Variants in CHSY3 observed in about 807,000 individuals in gnomAD.
CHSY3 encodes the protein chondroitin sulfate synthase 3.
A neutral mutation model predicts 67.2 loss-of-function variants in CHSY3; 35 were observed. The observed-to-expected ratio is 0.52, with a 90% CI of 0.40 to 0.69. The LOEUF (loss-of-function observed/expected upper bound fraction) is 0.69, where lower values mean the gene tolerates loss of function less well. Among genes scored for constraint, CHSY3 ranks in the 30% least tolerant of loss-of-function variants. The probability of loss-of-function intolerance (pLI) is 0.00; values close to 1 mark genes in which losing one functional copy is unlikely to be tolerated. For missense variants in CHSY3, 1,069 were observed against 1,138.5 expected (o/e 0.94, Z 0.88); for synonymous variants, 474 against 434.7 (o/e 1.09, Z -1.12).
rs575328311 is a variant in CHSY3, at chr5:129,945,889, T to TA, written c.1086+37530dup. On this transcript the variant is annotated intron_variant, in intron 2 of 2. Coordinates refer to ENST00000305031, the MANE Select transcript of CHSY3 (RefSeq NM_175856.5). The stretch of plus-strand genomic sequence containing the variant: ...TATAAAAAGTTTTTTAACTGGCTGA[T>TA]ACATTCTTTTTTCTCTTTTTTTTAT... Among the ~76,000 whole-genome samples the TA allele has an allele frequency of 2.8e-4, 42 of 152,320 alleles. 1 individual carries two copies. The South Asian group carries it at 7.2e-3, about 26-fold the overall frequency.
At chr5:129,959,855 T>G (rs1474507600) in intron 2 of CHSY3, among the ~76,000 whole-genome samples, 1 of 152,148 alleles carries the variant, frequency 6.6e-6, no homozygotes. Flanking sequence ...GTATCTTTTT[T>G]TACTTGATAA....
intron 2 of CHSY3, chr5:130,001,388 CT>C: frequency 8.9e-6 from 8 of 900,910 alleles, no homozygotes; most frequent in Non-Finnish European, 1.1e-5. Context: ...TCTTCTTCTC[CT>C]TTTCCTCCAG....
At position 129,956,551 on chromosome 5, in the gene CHSY3, G is replaced by A. The variant is rs549270574; in HGVS notation, c.1086+48191G>A. ...TTTCTTTTGCTGTGCAGAAGCTCTT[G>A]TGTTTAATAATATCCCATTTGTCAA... On this transcript the variant is annotated intron_variant, in intron 2 of 2. Coordinates refer to ENST00000305031, the MANE Select transcript of CHSY3 (RefSeq NM_175856.5). 9.2e-5 allele frequency among the ~76,000 whole-genome samples: 14 copies of A among 152,128 alleles called. No individual in the cohort carries two copies. The East Asian group carries it at 2.5e-3, about 27-fold the overall frequency.
At position 130,111,871 on chromosome 5, in the gene CHSY3, T is replaced by G. The variant is rs114016019; in HGVS notation, c.1087-72358T>G. On this transcript the variant is annotated intron_variant, in intron 2 of 2. Transcript: ENST00000305031. ...ATGCAACTAATTCCACACATTTTAT[T>G]TTAACACACACATACCGGACTTACT... is the stretch of plus-strand genomic sequence containing the variant. Among the ~76,000 whole-genome samples, 465 of 151,958 alleles carry G rather than the reference T, an allele frequency of 3.1e-3. 2 individuals carry two copies. Among genetic ancestry groups the G allele is most frequent in the African/African-American group, 0.011 (443 of 41,532 alleles).
intron 2 of CHSY3, among the ~76,000 whole-genome samples, chr5:130,016,583 T>C (rs1237341011): frequency 1.3e-5 from 2 of 152,124 alleles, no homozygotes; most frequent in African/African-American, 4.8e-5. Flanking sequence ...AATTTTTTTG[T>C]ATTTTTAGTA....
intron 2 of CHSY3, among the ~76,000 whole-genome samples, chr5:129,934,683 C>G (rs903713581): frequency 6.6e-6 from 1 of 152,054 alleles, no homozygotes; most frequent in African/African-American, 2.4e-5. Flanking sequence ...GAGTACTGGT[C>G]CTGGATAGTG....
intron 2 of CHSY3, among the ~76,000 whole-genome samples, chr5:129,948,061 CT>C (rs892384914): frequency 6.6e-6 from 1 of 152,084 alleles, no homozygotes; most frequent in African/African-American, 2.4e-5. Flanking sequence ...TATAGGTTGC[CT>C]TTTAATTTTC....
At chr5:129,972,703 C>G (rs965939680) in intron 2 of CHSY3, among the ~76,000 whole-genome samples, 3 of 151,902 alleles carry the variant, frequency 2.0e-5, no homozygotes, top group African/African-American at 7.2e-5. Flanking sequence ...CCCACACCCA[C>G]TCTCCTACTC....
intron 2 of CHSY3, among the ~76,000 whole-genome samples, chr5:130,023,665 T>C (rs1308712898): frequency 6.6e-6 from 1 of 151,972 alleles, no homozygotes; most frequent in Non-Finnish European, 1.5e-5. Flanking sequence ...AAATAAAGAA[T>C]ACTGAAGTCT....
chr5:130,051,267 A>G (rs1173274192), intron 2 of CHSY3, among the ~76,000 whole-genome samples: 1 of 152,096 alleles, frequency 6.6e-6, no homozygotes, highest in Non-Finnish European at 1.5e-5. Context: ...GGGTAAAAAT[A>G]TATTCATTTG....
chr5:130,050,134 A>G (rs974205828), intron 2 of CHSY3, among the ~76,000 whole-genome samples: 5 of 152,124 alleles, frequency 3.3e-5, no homozygotes, highest in African/African-American at 7.2e-5. Flanking sequence ...ACTACTCCAC[A>G]TAGGTGAATA....
chr5:130,096,172 A>G (rs1767037613), intron 2 of CHSY3, among the ~76,000 whole-genome samples: 1 of 152,036 alleles, frequency 6.6e-6, no homozygotes, highest in African/African-American at 2.4e-5. Context: ...GGAGAAATAT[A>G]TATATATATA....
intron 2 of CHSY3, among the ~76,000 whole-genome samples, chr5:130,088,853 C>T (rs1766767642): frequency 6.6e-6 from 1 of 152,052 alleles, no homozygotes; most frequent in East Asian, 1.9e-4. Flanking sequence ...ACCATTTGAC[C>T]CAGCCATCCC....
At chr5:130,131,682 T>C (rs1289358495) in intron 2 of CHSY3, among the ~76,000 whole-genome samples, 1 of 152,122 alleles carries the variant, frequency 6.6e-6, no homozygotes, top group Non-Finnish European at 1.5e-5. Flanking sequence ...GCCTGTATGG[T>C]AAACTATCAC....
intron 2 of CHSY3, among the ~76,000 whole-genome samples, chr5:129,930,290 G>A (rs923938719): frequency 1.4e-5 from 2 of 147,652 alleles, no homozygotes; most frequent in African/African-American, 5.0e-5. Context: ...ACAAGGTCTC[G>A]CCACCGCACT....
At chr5:130,044,153 A>T (rs1240085358) in intron 2 of CHSY3, among the ~76,000 whole-genome samples, 3 of 152,164 alleles carry the variant, frequency 2.0e-5, no homozygotes, top group Admixed American at 6.6e-5. Context: ...CTACTGAAAA[A>T]TTTGAACAAT....
At chr5:130,076,724 A>G (rs2149684509) in intron 2 of CHSY3, among the ~76,000 whole-genome samples, 1 of 152,226 alleles carries the variant, frequency 6.6e-6, no homozygotes, top group South Asian at 2.1e-4. Context: ...CATTACTCCT[A>G]AAATTTAAAT....
chr5:130,053,749 CTGAG>C, intron 2 of CHSY3, among the ~76,000 whole-genome samples: 1 of 152,094 alleles, frequency 6.6e-6, no homozygotes, highest in African/African-American at 2.4e-5. Context: ...CATTAGGAGC[CTGAG>C]TGATTGGGAA....
intron 2 of CHSY3, among the ~76,000 whole-genome samples, chr5:129,929,865 C>T (rs538729339): frequency 6.6e-6 from 1 of 152,196 alleles, no homozygotes; most frequent in South Asian, 2.1e-4. Flanking sequence ...TGAATTTAGC[C>T]ATATGCTTAG....
Sources: allele counts gnomAD v4.1 joint callset (sites outside exome capture counted in the v4.1 genomes callset), GRCh38; gene constraint gnomAD v4.1.1; transcripts MANE v1.5; gene names NCBI Gene and HGNC (gene_info 2026-07-23, HGNC 2026-07-21).